OXCT1: variants seen among roughly 807,000 people sequenced by gnomAD.
OXCT1 encodes 3-oxoacid CoA-transferase 1, also known as succinyl-CoA:3-ketoacid coenzyme A transferase 1, mitochondrial.
OXCT1 carries 27 observed loss-of-function variants against 69.6 expected under a neutral mutation model. The ratio of observed to expected loss-of-function variants is 0.39; its 90% CI spans 0.29 to 0.54. The LOEUF is 0.54. Among genes scored for constraint, OXCT1 ranks in the 20% least tolerant of loss-of-function variants. The pLI is 0.72. For synonymous variants in OXCT1, 202 were observed against 217.8 expected, an observed-to-expected ratio of 0.93 and a Z score of 0.64; for missense variants, 437 against 650.2, an observed-to-expected ratio of 0.67 and a Z score of 3.57.
Position 41,732,551 on chromosome 5 carries a change from A to T in OXCT1, c.1522-781T>A, listed in dbSNP as rs572001784. ...CCAGGTTCAGATTCCTTAATTCAAC[A>T]TGGCAAATATTGATTGGGTTCTAGT... On this transcript the variant is annotated intron_variant, in intron 16 of 16. Transcript: ENST00000196371. Among the ~76,000 whole-genome samples, 7 of 152,328 alleles carry T rather than the reference A, an allele frequency of 4.6e-5. No homozygotes were observed. In the South Asian group the frequency reaches 1.4e-3, roughly 32 times the overall value.
At chr5:41,789,458 A>G (rs1745808876) in intron 13 of OXCT1, among the ~76,000 whole-genome samples, 1 of 152,244 alleles carries the variant, frequency 6.6e-6, no homozygotes, top group Non-Finnish European at 1.5e-5. Flanking sequence ...ATGCCAGATC[A>G]ATACATGTTG....
intron 15 of OXCT1, among the ~76,000 whole-genome samples, chr5:41,747,069 TA>T (rs1380241660): frequency 1.3e-5 from 2 of 152,150 alleles, no homozygotes; most frequent in Non-Finnish European, 2.9e-5. Context: ...GTGTTTTTTC[TA>T]ATGCAAATCT....
At chr5:41,849,025 A>G (rs1337944889) in intron 5 of OXCT1, among the ~76,000 whole-genome samples, 2 of 152,358 alleles carry the variant, frequency 1.3e-5, no homozygotes, top group East Asian at 3.9e-4. Context: ...AAATTTTCGC[A>G]ACCTACTCTT....
At chr5:41,837,641 A>C (rs1444951426) in intron 7 of OXCT1, among the ~76,000 whole-genome samples, 3 of 152,166 alleles carry the variant, frequency 2.0e-5, no homozygotes, top group Non-Finnish European at 4.4e-5. Flanking sequence ...AAAAAAAAAA[A>C]AAAACTCCTT....
intron 7 of OXCT1, among the ~76,000 whole-genome samples, chr5:41,818,937 A>G (rs1328748028): frequency 6.6e-6 from 1 of 151,490 alleles, no homozygotes; most frequent in Non-Finnish European, 1.5e-5. Flanking sequence ...AAAAAAAAAG[A>G]AAAAGAAAAA....
intron 16 of OXCT1, among the ~76,000 whole-genome samples, chr5:41,735,737 A>G (rs930593353): frequency 1.3e-5 from 2 of 152,208 alleles, no homozygotes; most frequent in South Asian, 2.1e-4. Flanking sequence ...AAGGACACCT[A>G]TCTATTCATG....
chr5:41,859,485 T>C (rs1749617467), intron 3 of OXCT1, among the ~76,000 whole-genome samples: 1 of 152,120 alleles, frequency 6.6e-6, no homozygotes, highest in African/African-American at 2.4e-5. Flanking sequence ...TACATTCCCA[T>C]TGACAGCAAT....
intron 14 of OXCT1, among the ~76,000 whole-genome samples, chr5:41,761,816 G>A (rs1014647897): frequency 3.3e-5 from 5 of 151,998 alleles, no homozygotes; most frequent in African/African-American, 9.7e-5. Flanking sequence ...CACTTCCTTT[G>A]GAGATATTAA....
chr5:41,859,884 T>TATGTAATATATATATATATATATACAC lies in OXCT1; in HGVS notation c.278+1403_278+1429dup, dbSNP rs1429424562. Among the ~76,000 whole-genome samples, 132 of 117,878 alleles carry TATGTAATATATATATATATATATACAC rather than the reference T, an allele frequency of 1.1e-3. 2 individuals carry two copies. The East Asian group carries it at 0.026, about 23-fold the overall frequency. The allele number at this position is 117,878 out of a possible 152,430, so 77.3% of individuals were successfully genotyped here. A position where few individuals can be genotyped will look rare whatever the true frequency, so the allele number is the denominator to read the frequency against. On this transcript the variant is annotated intron_variant, in intron 3 of 16. Transcript: ENST00000196371. ...ATAGTAATATATATATATATATATA[T>TATGTAATATATATATATATATATACAC]ATGTAATATATATATATATATATAC...
chr5:41,833,534 A>T (rs1422183803), intron 7 of OXCT1, among the ~76,000 whole-genome samples: 1 of 151,706 alleles, frequency 6.6e-6, no homozygotes, highest in Non-Finnish European at 1.5e-5. Context: ...GAAAAAAAAA[A>T]AAAAAGAATG....
At chr5:41,805,810 C>A in intron 8 of OXCT1, 129 bp from the exon 9 acceptor site, 1 of 687,684 alleles carries the variant, frequency 1.5e-6, no homozygotes, top group Non-Finnish European at 2.6e-6. Context: ...CTGCAATATA[C>A]CAGATATTTA....
chr5:41,796,847 T>C (rs1416616379), intron 11 of OXCT1, among the ~76,000 whole-genome samples: 1 of 152,336 alleles, frequency 6.6e-6, no homozygotes, highest in Admixed American at 6.5e-5. Flanking sequence ...CGTCACCTTT[T>C]ATTATTGCCA....
intron 16 of OXCT1, among the ~76,000 whole-genome samples, chr5:41,732,793 C>G (rs1479664374): frequency 6.6e-6 from 1 of 152,276 alleles, no homozygotes; most frequent in East Asian, 1.9e-4. Context: ...GTTAAATCAT[C>G]AGTATTAAAA....
chr5:41,778,674 A>C (rs997298121), intron 13 of OXCT1, among the ~76,000 whole-genome samples: 1 of 152,204 alleles, frequency 6.6e-6, no homozygotes, highest in Admixed American at 6.5e-5. Flanking sequence ...CAAGTTCTTC[A>C]ACAATGCCCC....
At chr5:41,826,633 C>A (rs1201779018) in intron 7 of OXCT1, among the ~76,000 whole-genome samples, 1 of 148,666 alleles carries the variant, frequency 6.7e-6, no homozygotes, top group African/African-American at 2.5e-5. Context: ...ATATTCTGTT[C>A]AAAAAAAAAA....
At chr5:41,752,503 A>G (rs1743841639) in intron 14 of OXCT1, among the ~76,000 whole-genome samples, 1 of 152,068 alleles carries the variant, frequency 6.6e-6, no homozygotes, top group African/African-American at 2.4e-5. Context: ...CTGTAATCCC[A>G]GCACTTTGGG....
intron 13 of OXCT1, among the ~76,000 whole-genome samples, chr5:41,780,812 G>A (rs1745359652): frequency 6.6e-6 from 1 of 152,146 alleles, no homozygotes; most frequent in South Asian, 2.1e-4. Flanking sequence ...TCCTGGACAG[G>A]ATGACTTAAC....
At chr5:41,850,324 T>C (rs963298081) in intron 4 of OXCT1, 145 bp from the exon 5 acceptor site, 14 of 888,148 alleles carry the variant, frequency 1.6e-5, no homozygotes, top group African/African-American at 1.2e-4. Context: ...TTCACTAATA[T>C]TGTATGCTAG....
intron 1 of OXCT1, among the ~76,000 whole-genome samples, chr5:41,866,472 G>T (rs1180572815): frequency 1.3e-5 from 2 of 152,206 alleles, no homozygotes; most frequent in African/African-American, 4.8e-5. Flanking sequence ...CAAAAGTGGG[G>T]AGAAGTTATA....
Sources: gnomAD v4.1 joint callset for allele counts (sites outside exome capture counted in the v4.1 genomes callset) on GRCh38, gnomAD v4.1.1 for gene constraint, MANE v1.5 for transcripts, NCBI Gene and HGNC (gene_info 2026-07-23, HGNC 2026-07-21) for gene names.